The following IL2RB variants were observed in gnomAD, a reference collection of about 807,000 sequenced individuals.
IL2RB encodes interleukin 2 receptor subunit beta, also known as interleukin-2 receptor subunit beta.
Under a neutral mutation model 44.2 loss-of-function variants are expected in IL2RB, and 17 were observed. That is an observed-to-expected ratio of 0.38 (90% CI 0.26 to 0.58). The LOEUF (loss-of-function observed/expected upper bound fraction) is 0.58, where lower values mean the gene tolerates loss of function less well. Among genes scored for constraint, IL2RB ranks in the 20% least tolerant of loss-of-function variants. The pLI is 0.63. For synonymous variants in IL2RB, 286 were observed against 297.9 expected, an observed-to-expected ratio of 0.96 and a Z score of 0.41; for missense variants, 624 against 685.5, an observed-to-expected ratio of 0.91 and a Z score of 1.00.
At chr22:37,131,495 G>A (rs2146227715) in intron 9 of IL2RB, among the ~76,000 whole-genome samples, 1 of 152,344 alleles carries the variant, frequency 6.6e-6, no homozygotes, top group South Asian at 2.1e-4. Context: ...GACGGAATCT[G>A]AGATGGAGTT....
chr22:37,149,469 G>A lies in IL2RB; in HGVS notation c.-34+356C>T, dbSNP rs535823917. 1.8e-4 allele frequency among the ~76,000 whole-genome samples: 27 copies of A among 152,224 alleles called. No individual in the cohort carries two copies. The South Asian group carries it at 2.9e-3, about 16-fold the overall frequency. The stretch of plus-strand genomic sequence containing the variant: ...TCCCGCCTGTCCCACCCCATATCCC[G>A]TACCCTCTCCGGGCACCCAGGCTAT... On this transcript the variant is annotated intron_variant, in intron 1 of 9. Coordinates refer to ENST00000216223, the MANE Select transcript of IL2RB (RefSeq NM_000878.5).
Position 37,137,684 on chromosome 22 carries a change from C to A in IL2RB, c.440G>T (p.Arg147Ile). 6.2e-7 allele frequency: 1 copy of A among 1,614,148 alleles called. No homozygotes were observed. The highest frequency in any genetic ancestry group is 8.5e-7 in the Non-Finnish European group (1 of 1,179,986). Residue 147 changes from arginine (R) to isoleucine (I), a missense_variant, in exon 6 of 10, where the codon AGA becomes ATA. Arg to Ile is a moderately conservative substitution (Grantham distance 97). Around this residue, in one of 3 missense-constraint regions of IL2RB, gnomAD observed 255 missense variants for 339.9 expected, o/e 0.75. Coordinates refer to ENST00000216223, the MANE Select transcript of IL2RB (RefSeq NM_000878.5). ...GGAGATTTCCCAGCTTATGTTGCAT[C>A]TGTGGGTCTCCACGTGGACAACTTG... ...SLQVVHVETH[R>I]CNISWEISQA...
chr22:37,150,851 T>C (rs1922461678), upstream of IL2RB, among the ~76,000 whole-genome samples: 1 of 152,228 alleles, frequency 6.6e-6, no homozygotes, highest in African/African-American at 2.4e-5. Context: ...CCTGGCCTGT[T>C]TCACTTAACA....
Position 37,126,725 on chromosome 22 carries a change from T to G in IL2RB, c.*1371A>C, listed in dbSNP as rs228938. 11,452 of 152,162 alleles carry G rather than the reference T, an allele frequency of 0.075. 1,453 individuals carry two copies. The highest frequency in any genetic ancestry group is 0.26 in the African/African-American group (10,829 of 41,450). 9.4% of individuals were successfully genotyped at this position (152,162 alleles called of 1,614,324 possible). A position where few individuals can be genotyped will look rare whatever the true frequency, so the allele number is the denominator to read the frequency against. On this transcript the variant is annotated 3_prime_UTR_variant, in exon 10 of 10. Transcript: ENST00000216223. The stretch of plus-strand genomic sequence containing the variant: ...GGGTCACTGTCCTGCTGGGGTGGAA[T>G]GTTGTTTGAGCCATTGCAACGTGAT...
rs764222346 is a variant in IL2RB at position 37,137,718 on chromosome 22, T to C, written c.406A>G (p.Ile136Val). ...TCCACGTGGACAACTTGGAGGGAGA[T>C]GGGGGCCATCAGGCGAACTGGAGAC... ...PFENLRLMAPISLQVVHVETH... is the reference protein window; with the variant it reads ...PFENLRLMAPVSLQVVHVETH... Residue 136 changes from isoleucine to valine, a missense_variant, in exon 6 of 10, where the codon ATC (isoleucine) becomes GTC (valine). Around this residue, in one of 3 missense-constraint regions of IL2RB, gnomAD observed 255 missense variants for 339.9 expected, o/e 0.75. Coordinates refer to ENST00000216223, the MANE Select transcript of IL2RB (RefSeq NM_000878.5). 3.1e-6 allele frequency: 5 copies of C among 1,613,722 alleles called. No individual in the cohort carries two copies. In the Admixed American group the frequency reaches 6.7e-5, roughly 22 times the overall value.
upstream of IL2RB, among the ~76,000 whole-genome samples, chr22:37,154,856 T>C (rs1019033787): frequency 6.6e-6 from 1 of 151,990 alleles, no homozygotes. Flanking sequence ...TTACAGACGT[T>C]AGCCACCACG....
At chr22:37,148,196 C>CGATGCT (rs3218259) in intron 1 of IL2RB, among the ~76,000 whole-genome samples, 7,407 of 152,222 alleles carry the variant, frequency 0.049, 577 homozygotes, top group African/African-American at 0.17. Context: ...AGAGGTGCAG[C>CGATGCT]GATGCTCGGA....
intron 1 of IL2RB, among the ~76,000 whole-genome samples, chr22:37,144,497 C>T (rs1922132807): frequency 1.3e-5 from 2 of 152,330 alleles, no homozygotes; most frequent in South Asian, 4.1e-4. Flanking sequence ...GTAATCCCAG[C>T]ACTTTGGGAG....
chr22:37,135,991 A>G (rs1216708893), intron 7 of IL2RB, among the ~76,000 whole-genome samples: 4 of 152,082 alleles, frequency 2.6e-5, no homozygotes, highest in Non-Finnish European at 5.9e-5. Context: ...TTCAGGGTGG[A>G]GAAGAGTGAA....
At chr22:37,158,302 C>G (rs1340198833) in intron 1 of IL2RB, among the ~76,000 whole-genome samples, 1 of 152,046 alleles carries the variant, frequency 6.6e-6, no homozygotes, top group Non-Finnish European at 1.5e-5. Flanking sequence ...GTAATCCCAG[C>G]ACTTTGGCAG....
Position 37,135,417 on chromosome 22 carries a change from C to A in IL2RB, c.729G>T (p.Trp243Cys). Reference protein sequence around the residue: ...PAALGKDTIPWLGHLLVGLSG... With the variant: ...PAALGKDTIPCLGHLLVGLSG... ...TGAGGCCCACGAGGAGGTGGCCGAG[C>A]CACGGAATGGTGTCCTTCCCAAGGG... The change falls in exon 8 of 10, where the codon TGG becomes TGT. Residue 243 changes from tryptophan to cysteine, a missense_variant. By Grantham distance (215) the Trp-to-Cys change is radical. Coordinates refer to ENST00000216223, the MANE Select transcript of IL2RB (RefSeq NM_000878.5). 6.2e-7 allele frequency: 1 copy of A among 1,613,578 alleles called. No individual in the cohort carries two copies. Among genetic ancestry groups the A allele is most frequent in the East Asian group, 2.2e-5 (1 of 44,860 alleles).
At chr22:37,144,045 C>T (rs1922106670) in intron 2 of IL2RB, 40 bp downstream of exon 2, 4 of 1,551,398 alleles carry the variant, frequency 2.6e-6, no homozygotes, top group Non-Finnish European at 3.5e-6. Flanking sequence ...GCCATCTCTC[C>T]ATAGGGAAAG....
intron 7 of IL2RB, among the ~76,000 whole-genome samples, 195 bp downstream of exon 7, chr22:37,136,033 G>T (rs1921673183): frequency 6.6e-6 from 1 of 152,084 alleles, no homozygotes; most frequent in Non-Finnish European, 1.5e-5. Context: ...CAACTCACAA[G>T]GCCCATGGCA....
chr22:37,137,578 C>T lies in IL2RB; in HGVS notation c.537+9G>A, dbSNP rs199729784. 3.1e-6 allele frequency: 5 copies of T among 1,614,060 alleles called. No homozygotes were observed. In the East Asian group the frequency reaches 1.1e-4, roughly 36 times the overall value. ...ACCAAGGCAGGTACGGACTGGGCCA[C>T]ATTCTCACCTCCCAGGTGTGGCCTG... On this transcript the variant is annotated intron_variant, in intron 6 of 9. Coordinates refer to ENST00000216223, the MANE Select transcript of IL2RB (RefSeq NM_000878.5).
At chr22:37,132,747 G>C (rs140700028) in intron 8 of IL2RB, among the ~76,000 whole-genome samples, 1 of 152,354 alleles carries the variant, frequency 6.6e-6, no homozygotes, top group East Asian at 1.9e-4. Flanking sequence ...ATTCTGTGGA[G>C]ACAGAGAGCA....
At chr22:37,129,349 G>A (rs1601594139) in intron 9 of IL2RB, among the ~76,000 whole-genome samples, 1 of 152,304 alleles carries the variant, frequency 6.6e-6, no homozygotes, top group African/African-American at 2.4e-5. Context: ...ACCAGCAGGC[G>A]GCAGAGCTGG....
chr22:37,127,977 A>G lies in IL2RB; in HGVS notation c.*119T>C, dbSNP rs968938719. On this transcript the variant is annotated 3_prime_UTR_variant, in exon 10 of 10. Coordinates refer to ENST00000216223, the MANE Select transcript of IL2RB (RefSeq NM_000878.5). Reference sequence around the variant, plus strand: ...CTGGGTGGGGGCCATCCGGGTGGAGAAGTCCAGCTGCAACTGGACACTGAG... The same window carrying G: ...CTGGGTGGGGGCCATCCGGGTGGAGGAGTCCAGCTGCAACTGGACACTGAG... 11 of 789,058 alleles carry G rather than the reference A, an allele frequency of 1.4e-5. No individual in the cohort carries two copies. The African/African-American group carries it at 1.8e-4, about 13-fold the overall frequency. The allele number at this position is 789,058 out of a possible 1,614,324, so 48.9% of individuals were successfully genotyped here.
At position 37,137,721 on chromosome 22, in the gene IL2RB, G is replaced by A; in HGVS notation, c.403C>T (p.Pro135Ser). 6.2e-7 allele frequency: 1 copy of A among 1,613,976 alleles called. No homozygotes were observed. The highest frequency in any genetic ancestry group is 1.1e-5 in the South Asian group (1 of 91,086). Residue 135 changes from proline to serine, a missense_variant, in exon 6 of 10, where the codon CCC becomes TCC. This residue lies in a region of IL2RB where 255 missense variants were observed against 339.9 expected (regional missense o/e 0.75). Coordinates refer to ENST00000216223, the MANE Select transcript of IL2RB (RefSeq NM_000878.5). ...ACGTGGACAACTTGGAGGGAGATGG[G>A]GGCCATCAGGCGAACTGGAGACAAC... ...KPFENLRLMA[P>S]ISLQVVHVET... is the part of the protein sequence containing the mutation.
intron 3 of IL2RB, among the ~76,000 whole-genome samples, chr22:37,143,101 C>A (rs1922047252): frequency 6.6e-6 from 1 of 152,168 alleles, no homozygotes; most frequent in Non-Finnish European, 1.5e-5. Flanking sequence ...CCAAACCACT[C>A]CCAGGTTCCC....
Sources: gnomAD v4.1 joint callset for allele counts (sites outside exome capture counted in the v4.1 genomes callset) on GRCh38, gnomAD v4.1.1 for gene constraint, gnomAD v4.1.1 regional missense constraint, MANE v1.5 for transcripts, NCBI Gene and HGNC (gene_info 2026-07-23, HGNC 2026-07-21) for gene names.